AHCYL2: variants seen among roughly 807,000 people sequenced by gnomAD.
AHCYL2 encodes S-adenosylhomocysteine hydrolase-like protein 2.
AHCYL2 carries 28 observed loss-of-function variants against 81.4 expected under a neutral mutation model. The ratio of observed to expected loss-of-function variants is 0.34; its 90% CI spans 0.25 to 0.47. The LOEUF (loss-of-function observed/expected upper bound fraction) is 0.47, where lower values mean the gene tolerates loss of function less well. Among genes scored for constraint, AHCYL2 ranks in the 20% least tolerant of loss-of-function variants. The pLI is 1.00. For missense variants in AHCYL2, 551 were observed against 785.1 expected (o/e 0.70, Z 3.56); for synonymous variants, 272 against 290.2 (o/e 0.94, Z 0.64).
At chr7:129,344,741 T>C (rs955553886) in intron 1 of AHCYL2, among the ~76,000 whole-genome samples, 1 of 152,126 alleles carries the variant, frequency 6.6e-6, no homozygotes, top group African/African-American at 2.4e-5. Flanking sequence ...GAGTGAGTGG[T>C]GGGAGAGCTA....
intron 1 of AHCYL2, among the ~76,000 whole-genome samples, chr7:129,318,666 G>A (rs558948066): frequency 9.2e-5 from 14 of 152,170 alleles, no homozygotes; most frequent in Non-Finnish European, 1.9e-4. Context: ...AATATTAAAT[G>A]TAAGAAATGG....
intron 1 of AHCYL2, among the ~76,000 whole-genome samples, chr7:129,261,361 T>C (rs1227502646): frequency 6.6e-6 from 1 of 152,236 alleles, no homozygotes; most frequent in Non-Finnish European, 1.5e-5. Context: ...GAGAGTTCTG[T>C]GGCAACTGTT....
chr7:129,372,495 C>A (rs996125264), intron 1 of AHCYL2, among the ~76,000 whole-genome samples: 8 of 152,130 alleles, frequency 5.3e-5, no homozygotes, highest in Non-Finnish European at 1.2e-4. Flanking sequence ...TTTCTTTAGA[C>A]CCTGTTTTGG....
intron 1 of AHCYL2, among the ~76,000 whole-genome samples, chr7:129,374,197 GATTAAT>G (rs1489708845): frequency 6.6e-6 from 1 of 152,176 alleles, no homozygotes; most frequent in African/African-American, 2.4e-5. Flanking sequence ...TTGGTCTTCT[GATTAAT>G]ATTATGAGGC....
At chr7:129,261,686 T>C (rs1795650078) in intron 1 of AHCYL2, among the ~76,000 whole-genome samples, 1 of 152,230 alleles carries the variant, frequency 6.6e-6, no homozygotes, top group South Asian at 2.1e-4. Context: ...ATTTCAATAA[T>C]CTAGTCTCTT....
chr7:129,379,100 G>A (rs1185493261), intron 1 of AHCYL2, among the ~76,000 whole-genome samples: 4 of 152,042 alleles, frequency 2.6e-5, no homozygotes, highest in Admixed American at 6.6e-5. Flanking sequence ...GGCCAACATG[G>A]TGAAATGCTG....
At chr7:129,353,200 G>A (rs1176222958) in intron 1 of AHCYL2, among the ~76,000 whole-genome samples, 1 of 151,974 alleles carries the variant, frequency 6.6e-6, no homozygotes, top group African/African-American at 2.4e-5. Context: ...CACCTGCCTC[G>A]GCCTCCCGAA....
intron 1 of AHCYL2, among the ~76,000 whole-genome samples, chr7:129,333,912 T>C (rs888018939): frequency 3.3e-5 from 5 of 152,250 alleles, no homozygotes; most frequent in African/African-American, 1.2e-4. Flanking sequence ...TCTTATTGTC[T>C]AATTATACAC....
At chr7:129,321,312 T>A (rs1034986089) in intron 1 of AHCYL2, among the ~76,000 whole-genome samples, 7 of 152,354 alleles carry the variant, frequency 4.6e-5, no homozygotes, top group Admixed American at 2.0e-4. Flanking sequence ...TTGTAGATGT[T>A]CTGTATCAAG....
At chr7:129,320,578 T>C (rs1039546131) in intron 1 of AHCYL2, among the ~76,000 whole-genome samples, 1 of 152,150 alleles carries the variant, frequency 6.6e-6, no homozygotes, top group Non-Finnish European at 1.5e-5. Flanking sequence ...TCCCAAAGTC[T>C]TGGGATTACA....
At chr7:129,350,381 A>C (rs1211704441) in intron 1 of AHCYL2, among the ~76,000 whole-genome samples, 1 of 151,418 alleles carries the variant, frequency 6.6e-6, no homozygotes, top group Non-Finnish European at 1.5e-5. Context: ...CAATAAATGT[A>C]GTCTTTTTTT....
intron 1 of AHCYL2, among the ~76,000 whole-genome samples, chr7:129,240,962 T>G (rs1794830771): frequency 6.6e-6 from 1 of 152,152 alleles, no homozygotes; most frequent in South Asian, 2.1e-4. Flanking sequence ...TAAGAATGAC[T>G]TAGGAATTAT....
intron 1 of AHCYL2, among the ~76,000 whole-genome samples, chr7:129,353,188 T>C (rs1793627727): frequency 1.3e-5 from 2 of 152,156 alleles, no homozygotes; most frequent in Non-Finnish European, 2.9e-5. Context: ...CCTTAGGTGA[T>C]CCACCTGCCT....
intron 1 of AHCYL2, among the ~76,000 whole-genome samples, chr7:129,331,031 A>T (rs1798399999): frequency 6.6e-6 from 1 of 152,360 alleles, no homozygotes. Flanking sequence ...CACAAGACCA[A>T]TACATTATTT....
chr7:129,291,308 C>T (rs1245279529), intron 1 of AHCYL2, among the ~76,000 whole-genome samples: 1 of 152,156 alleles, frequency 6.6e-6, no homozygotes, highest in East Asian at 1.9e-4. Context: ...ATGGATTATA[C>T]ATATCATTTA....
rs933168658 is a variant in AHCYL2 at position 129,324,205 on chromosome 7, A to G, written c.364-55433A>G. On this transcript the variant is annotated intron_variant, in intron 1 of 16. Transcript: ENST00000325006. ...GCCCAGCTTTCTTTTGATTAATATTAGCATAGTATATCTTTTTCCATTCTT... is the reference window on the plus strand; with the variant it reads ...GCCCAGCTTTCTTTTGATTAATATTGGCATAGTATATCTTTTTCCATTCTT... Among the ~76,000 whole-genome samples the G allele has an allele frequency of 1.5e-4, 23 of 151,944 alleles. 1 individual carries two copies. The highest frequency in any genetic ancestry group is 1.4e-3 in the Admixed American group (21 of 15,264).
chr7:129,404,352 C>T (rs1796195058), intron 7 of AHCYL2, among the ~76,000 whole-genome samples: 1 of 151,822 alleles, frequency 6.6e-6, no homozygotes, highest in Non-Finnish European at 1.5e-5. Context: ...TTTATTTCAC[C>T]CATAAAGAAC....
chr7:129,393,579 A>G (rs1795571499), intron 4 of AHCYL2, among the ~76,000 whole-genome samples: 1 of 152,036 alleles, frequency 6.6e-6, no homozygotes, highest in South Asian at 2.1e-4. Flanking sequence ...CATTACTATC[A>G]TTACTTATTT....
At chr7:129,409,256 C>T (rs1388656258) in intron 10 of AHCYL2, among the ~76,000 whole-genome samples, 2 of 152,094 alleles carry the variant, frequency 1.3e-5, no homozygotes, top group Non-Finnish European at 2.9e-5. Context: ...CATGGTAGCC[C>T]CTGGCTCCCT....
Sources: allele counts gnomAD v4.1 joint callset (sites outside exome capture counted in the v4.1 genomes callset), GRCh38; gene constraint gnomAD v4.1.1; transcripts MANE v1.5; gene names NCBI Gene and HGNC (gene_info 2026-07-23, HGNC 2026-07-21).